SEC23B: variants seen among roughly 807,000 people sequenced by gnomAD.
SEC23B encodes the protein protein transport protein Sec23B.
A neutral mutation model predicts 104.3 loss-of-function variants in SEC23B; 77 were observed. That is an observed-to-expected ratio of 0.74 (90% confidence interval 0.61 to 0.89). SEC23B has a LOEUF of 0.89. Among genes scored for constraint, SEC23B ranks in the 40% least tolerant of loss-of-function variants. SEC23B has a pLI of 0.00. For missense variants in SEC23B, 885 were observed against 949.4 expected (o/e 0.93, Z 0.89); for synonymous variants, 338 against 332.5 (o/e 1.02, Z -0.18).
intron 17 of SEC23B, among the ~76,000 whole-genome samples, chr20:18,553,941 G>A (rs2060411094): frequency 6.6e-6 from 1 of 152,136 alleles, no homozygotes; most frequent in Non-Finnish European, 1.5e-5. Flanking sequence ...AAAGGAGGGA[G>A]TCCACCGCTC....
intron 19 of SEC23B, among the ~76,000 whole-genome samples, chr20:18,559,205 A>G (rs984214188): frequency 4.6e-5 from 7 of 152,008 alleles, no homozygotes; most frequent in African/African-American, 1.7e-4. Context: ...AGTGGGAATG[A>G]GAGTTCCAGC....
intron 17 of SEC23B, 61 bp from the exon 18 acceptor site, chr20:18,554,174 T>G: frequency 6.3e-7 from 1 of 1,579,702 alleles, no homozygotes; most frequent in Non-Finnish European, 8.7e-7. Context: ...AGAATGTCAG[T>G]GTCAGTGAAG....
At chr20:18,522,457 AG>A (rs1345793525) in intron 4 of SEC23B, among the ~76,000 whole-genome samples, 1 of 152,210 alleles carries the variant, frequency 6.6e-6, no homozygotes, top group African/African-American at 2.4e-5. Context: ...GGGAGATTGA[AG>A]GGTAGCAAGA....
intron 4 of SEC23B, among the ~76,000 whole-genome samples, chr20:18,521,866 G>A (rs771224792): frequency 3.3e-5 from 5 of 152,150 alleles, no homozygotes; most frequent in African/African-American, 4.8e-5. Flanking sequence ...ATGCCTGGAC[G>A]TCAGGCACCT....
rs773290230 is a variant in SEC23B, at chr20:18,524,455, T to C, written c.389T>C (p.Ile130Thr). The C allele has an allele frequency of 1.2e-4, 193 of 1,614,068 alleles. No homozygotes were observed. The highest frequency in any genetic ancestry group is 1.6e-4 in the Non-Finnish European group (190 of 1,180,018). The part of the protein sequence containing the change: ...VIQRGAQSPL[I>T]FLYVVDTCLE... The stretch of plus-strand genomic sequence containing the variant: ...AAGCGAGGTGCTCAGTCCCCTCTGA[T>C]CTTTCTCTATGTGGTTGACACATGC... The change falls in exon 5 of 20, where the codon ATC becomes ACC. Residue 130 changes from isoleucine to threonine, a missense_variant. Coordinates refer to ENST00000650089, the MANE Select transcript of SEC23B (RefSeq NM_006363.6).
intron 17 of SEC23B, among the ~76,000 whole-genome samples, chr20:18,553,849 T>C (rs906775341): frequency 2.0e-5 from 3 of 152,162 alleles, no homozygotes; most frequent in Admixed American, 1.3e-4. Flanking sequence ...GAGTGGAGTC[T>C]GTGTGGGCAG....
At chr20:18,537,621 G>A (rs2060246690) in intron 12 of SEC23B, among the ~76,000 whole-genome samples, 1 of 152,068 alleles carries the variant, frequency 6.6e-6, no homozygotes, top group African/African-American at 2.4e-5. Flanking sequence ...AACATTAGGA[G>A]ATATAACTAA....
intron 4 of SEC23B, among the ~76,000 whole-genome samples, chr20:18,516,812 G>A (rs1052515711): frequency 4.0e-5 from 6 of 151,730 alleles, no homozygotes; most frequent in Non-Finnish European, 7.4e-5. Context: ...CTCGGCTTCC[G>A]AAAGTGCTGG....
chr20:18,552,263 C>T (rs1169475660), intron 17 of SEC23B, among the ~76,000 whole-genome samples: 3 of 152,152 alleles, frequency 2.0e-5, no homozygotes, highest in Non-Finnish European at 2.9e-5. Context: ...TGTTAGTTTT[C>T]TAATACTCCT....
intron 10 of SEC23B, 133 bp from the exon 11 acceptor site, chr20:18,532,531 A>G (rs569674168): frequency 2.6e-6 from 2 of 760,824 alleles, no homozygotes; most frequent in African/African-American, 3.4e-5. Context: ...CTAAGCAGTT[A>G]TGATCCCTGT....
intron 4 of SEC23B, among the ~76,000 whole-genome samples, chr20:18,523,708 CTTT>C (rs79077915): frequency 7.2e-6 from 1 of 139,852 alleles, no homozygotes. Context: ...CCCTCTTTTT[CTTT>C]TTTTTTTTTT....
rs941681 is a variant in SEC23B, at chr20:18,525,483, A to G, written c.690-305A>G. The stretch of plus-strand genomic sequence containing the variant: ...AATGGACCTCACATAGACTGAACTC[A>G]TGTTAGGCATGTCCTTAGGATTTTT... On this transcript the variant is annotated intron_variant, in intron 6 of 19. Transcript: ENST00000650089. Among the ~76,000 whole-genome samples the G allele has an allele frequency of 0.92, 140,726 of 152,310 alleles. 65,918 individuals are homozygous for G. Among genetic ancestry groups the G allele is most frequent in the East Asian group, 1 (5,188 of 5,188 alleles).
At chr20:18,513,507 A>G (rs1325819406) in intron 3 of SEC23B, among the ~76,000 whole-genome samples, 3 of 152,214 alleles carry the variant, frequency 2.0e-5, no homozygotes, top group African/African-American at 4.8e-5. Flanking sequence ...GTTAGAAAAA[A>G]TTTGTGTCCA....
At chr20:18,555,211 T>C (rs370874378) in intron 19 of SEC23B, 38 bp downstream of exon 19, 7 of 1,531,676 alleles carry the variant, frequency 4.6e-6, no homozygotes, top group East Asian at 2.3e-5. Context: ...GATGCTAAGC[T>C]AGTTTTTTTT....
intron 17 of SEC23B, 85 bp from the exon 18 acceptor site, chr20:18,554,149 CT>C: frequency 6.8e-7 from 1 of 1,468,166 alleles, no homozygotes; most frequent in Non-Finnish European, 9.5e-7. Context: ...GAAACAAGCT[CT>C]GGGTGGCGAT....
intron 19 of SEC23B, among the ~76,000 whole-genome samples, chr20:18,556,669 ATTG>A (rs2060441425): frequency 6.6e-6 from 1 of 152,020 alleles, no homozygotes; most frequent in Non-Finnish European, 1.5e-5. Context: ...TGCTCTAGTC[ATTG>A]TTATTTCCTC....
intron 17 of SEC23B, among the ~76,000 whole-genome samples, chr20:18,551,538 A>AC (rs996006896): frequency 6.6e-5 from 10 of 151,924 alleles, no homozygotes; most frequent in Admixed American, 4.6e-4. Context: ...ACATGGCAAA[A>AC]CCCCATCTCT....
chr20:18,550,758 G>A (rs1253122907), intron 16 of SEC23B, among the ~76,000 whole-genome samples: 3 of 151,876 alleles, frequency 2.0e-5, no homozygotes, highest in Admixed American at 6.6e-5. Flanking sequence ...CCAGGAGGTC[G>A]AAGCTGCAGT....
At chr20:18,511,588 G>T (rs975698043) in intron 2 of SEC23B, among the ~76,000 whole-genome samples, 10 of 151,930 alleles carry the variant, frequency 6.6e-5, no homozygotes, top group African/African-American at 2.4e-4. Flanking sequence ...AACAGGTAGA[G>T]AGTGTCATAA....
Sources: allele counts gnomAD v4.1 joint callset (sites outside exome capture counted in the v4.1 genomes callset), GRCh38; gene constraint gnomAD v4.1.1; transcripts MANE v1.5; gene names NCBI Gene and HGNC (gene_info 2026-07-23, HGNC 2026-07-21).